Variants in FSTL5 observed in about 807,000 individuals in gnomAD.
FSTL5 encodes follistatin like 5, also known as follistatin-related protein 5.
Under a neutral mutation model 89.1 loss-of-function variants are expected in FSTL5, and 62 were observed. That is an observed-to-expected ratio of 0.70 (90% CI 0.57 to 0.86). The LOEUF (loss-of-function observed/expected upper bound fraction) is 0.86, where lower values mean the gene tolerates loss of function less well. Ranked by LOEUF, FSTL5 falls within the 40% of genes least tolerant of loss-of-function variation. The pLI is 0.00. For synonymous variants in FSTL5, 383 were observed against 346.2 expected (o/e 1.11, Z -1.18); for missense variants, 1,057 against 1,001.6 (o/e 1.06, Z -0.75).
chr4:161,878,493 A>G (rs1732520223), intron 4 of FSTL5, among the ~76,000 whole-genome samples: 2 of 152,118 alleles, frequency 1.3e-5, no homozygotes, highest in African/African-American at 4.8e-5. Flanking sequence ...GGACCTACTG[A>G]CTTTGATAAA....
At chr4:161,901,760 C>A (rs1733370856) in intron 4 of FSTL5, among the ~76,000 whole-genome samples, 3 of 152,024 alleles carry the variant, frequency 2.0e-5, no homozygotes, top group African/African-American at 4.8e-5. Flanking sequence ...CATGGTGAAA[C>A]CCTGTCTCTA....
chr4:161,892,024 T>C (rs1049393285), intron 4 of FSTL5, among the ~76,000 whole-genome samples: 4 of 151,992 alleles, frequency 2.6e-5, no homozygotes, highest in African/African-American at 9.7e-5. Context: ...CTTTCGTATA[T>C]ATGGGGAGTT....
At chr4:161,963,026 T>C (rs1333769850) in intron 3 of FSTL5, among the ~76,000 whole-genome samples, 1 of 152,028 alleles carries the variant, frequency 6.6e-6, no homozygotes, top group African/African-American at 2.4e-5. Context: ...GCTAGCTGTA[T>C]TTTGTTTAGC....
intron 7 of FSTL5, among the ~76,000 whole-genome samples, chr4:161,598,480 C>T (rs2126620926): frequency 6.6e-6 from 1 of 152,134 alleles, no homozygotes; most frequent in African/African-American, 2.4e-5. Context: ...AAAGCCAAGA[C>T]AATCCTGAAA....
intron 2 of FSTL5, among the ~76,000 whole-genome samples, chr4:162,040,682 T>C (rs1352552765): frequency 6.6e-6 from 1 of 152,130 alleles, no homozygotes. Context: ...TTCTACTTTG[T>C]TTAATCAAAA....
intron 10 of FSTL5, among the ~76,000 whole-genome samples, chr4:161,535,282 A>G (rs1345788141): frequency 1.3e-5 from 2 of 152,084 alleles, no homozygotes; most frequent in African/African-American, 4.8e-5. Flanking sequence ...ATTACTAACA[A>G]AGTAAACAGA....
At chr4:162,023,083 A>G (rs927191429) in intron 3 of FSTL5, among the ~76,000 whole-genome samples, 2 of 152,070 alleles carry the variant, frequency 1.3e-5, no homozygotes, top group Non-Finnish European at 2.9e-5. Flanking sequence ...CATTTGTACA[A>G]TTTTTTTAAA....
intron 5 of FSTL5, among the ~76,000 whole-genome samples, chr4:161,761,963 G>T (rs542387805): frequency 6.6e-6 from 1 of 152,046 alleles, no homozygotes; most frequent in Non-Finnish European, 1.5e-5. Context: ...GGGAAGCTTT[G>T]TCACATTCTG....
At chr4:162,056,207 A>G (rs957329872) in intron 2 of FSTL5, among the ~76,000 whole-genome samples, 1 of 152,036 alleles carries the variant, frequency 6.6e-6, no homozygotes, top group Non-Finnish European at 1.5e-5. Flanking sequence ...AGCACTAAAA[A>G]TCAATTTAGA....
intron 15 of FSTL5, among the ~76,000 whole-genome samples, chr4:161,395,097 T>G (rs1730952474): frequency 6.6e-6 from 1 of 151,934 alleles, no homozygotes; most frequent in Admixed American, 6.6e-5. Flanking sequence ...GTGAACAAAT[T>G]CTCCAGGTCA....
chr4:162,158,503 T>C (rs1026517148), intron 1 of FSTL5, among the ~76,000 whole-genome samples: 4 of 152,080 alleles, frequency 2.6e-5, no homozygotes, highest in East Asian at 1.9e-4. Context: ...CATTTACATA[T>C]AGTAAAGAGA....
rs556365326 is a variant in FSTL5, at chr4:161,745,858, T to A, written c.727+13553A>T. Among the ~76,000 whole-genome samples the A allele has an allele frequency of 3.4e-3, 515 of 152,246 alleles. 4 individuals are homozygous for A. The highest frequency in any genetic ancestry group is 0.011 in the African/African-American group (467 of 41,564). On this transcript the variant is annotated intron_variant, in intron 6 of 15. Coordinates refer to ENST00000306100, the MANE Select transcript of FSTL5 (RefSeq NM_020116.5). Reference sequence around the variant, plus strand: ...TAAAATGAATTATGGTCAATGGAAATATGAGTCGTACATACACCATTAAAC... The same window carrying A: ...TAAAATGAATTATGGTCAATGGAAAAATGAGTCGTACATACACCATTAAAC...
chr4:161,732,798 A>G (rs1276627770), intron 6 of FSTL5, among the ~76,000 whole-genome samples: 1 of 150,454 alleles, frequency 6.6e-6, no homozygotes, highest in Admixed American at 6.6e-5. Context: ...GTCAAAATCA[A>G]CTGACGTTAT....
At chr4:162,039,304 G>C (rs1737860299) in intron 2 of FSTL5, among the ~76,000 whole-genome samples, 1 of 151,740 alleles carries the variant, frequency 6.6e-6, no homozygotes, top group South Asian at 2.1e-4. Context: ...AAAAAATCTA[G>C]TTTGCTGTTG....
At chr4:161,795,429 AC>A (rs1383847163) in intron 4 of FSTL5, among the ~76,000 whole-genome samples, 2 of 152,010 alleles carry the variant, frequency 1.3e-5, no homozygotes, top group African/African-American at 4.8e-5. Flanking sequence ...GCCCGGAAGA[AC>A]CCTACTGTTT....
chr4:161,704,864 G>T (rs977131230), intron 6 of FSTL5, among the ~76,000 whole-genome samples: 3 of 151,994 alleles, frequency 2.0e-5, no homozygotes, highest in Non-Finnish European at 4.4e-5. Flanking sequence ...AGCCACTAGA[G>T]GTGCAGTCCT....
rs4065063 is a variant in FSTL5 at position 161,777,243 on chromosome 4, G to GTA, written c.410-1171_410-1170dup. ...TTATGACTGAATAATATTTCATTGTGTATATATATATATATATACACACAC... is the reference window on the plus strand; with the variant it reads ...TTATGACTGAATAATATTTCATTGTGTATATATATATATATATATACACACAC... On this transcript the variant is annotated intron_variant, in intron 4 of 15. Transcript: ENST00000306100. Among the ~76,000 whole-genome samples the GTA allele has an allele frequency of 2.6e-3, 371 of 144,908 alleles. 3 individuals are homozygous for GTA. The highest frequency in any genetic ancestry group is 7.2e-3 in the African/African-American group (286 of 39,720).
chr4:162,038,844 C>T (rs1437414457), intron 2 of FSTL5, among the ~76,000 whole-genome samples: 1 of 151,760 alleles, frequency 6.6e-6, no homozygotes, highest in Non-Finnish European at 1.5e-5. Context: ...CATCTAAATG[C>T]TAAATGCTAA....
At position 162,082,577 on chromosome 4, in the gene FSTL5, A is replaced by G. The variant is rs909371475; in HGVS notation, c.126+28694T>C. Among the ~76,000 whole-genome samples the G allele has an allele frequency of 2.7e-5, 4 of 149,438 alleles. No individual in the cohort carries two copies. In the South Asian group the frequency reaches 8.4e-4, roughly 31 times the overall value. On this transcript the variant is annotated intron_variant, in intron 2 of 15. Transcript: ENST00000306100. The stretch of plus-strand genomic sequence containing the variant: ...TTTGATCATGAAGATATTTAAGTGT[A>G]TATCTCTTTCTCTATGTTTTCTAGT...
Sources: gnomAD v4.1 joint callset for allele counts (sites outside exome capture counted in the v4.1 genomes callset) on GRCh38, gnomAD v4.1.1 for gene constraint, MANE v1.5 for transcripts, NCBI Gene and HGNC (gene_info 2026-07-23, HGNC 2026-07-21) for gene names.